Variants in GSG1L observed in about 807,000 individuals in gnomAD.
GSG1L encodes the protein GSG1 like, also known as germ cell-specific gene 1-like protein.
In GSG1L, 24 loss-of-function variants were observed where a neutral mutation model predicts 42.1. The ratio of observed to expected loss-of-function variants is 0.57; its 90% CI spans 0.41 to 0.80. The LOEUF is 0.80. GSG1L is among the 30% of genes least tolerant of loss of function. The pLI is 0.00. For synonymous variants in GSG1L, 215 were observed against 203.5 expected, an observed-to-expected ratio of 1.06 and a Z score of -0.48; for missense variants, 445 against 472.2, an observed-to-expected ratio of 0.94 and a Z score of 0.53.
intron 2 of GSG1L, among the ~76,000 whole-genome samples, chr16:27,921,446 T>A (rs2084523323): frequency 1.3e-5 from 2 of 152,236 alleles, no homozygotes; most frequent in African/African-American, 4.8e-5. Context: ...CTCCATAGCC[T>A]TATATCTGCC....
chr16:27,864,048 C>T (rs1366943301), intron 3 of GSG1L, among the ~76,000 whole-genome samples: 1 of 152,226 alleles, frequency 6.6e-6, no homozygotes, highest in Non-Finnish European at 1.5e-5. Context: ...TGGCCTCATT[C>T]TCTGGCAGAT....
chr16:28,063,155 C>A lies in GSG1L; in HGVS notation c.270G>T (p.Glu90Asp), dbSNP rs1322789526. The A allele has an allele frequency of 1.4e-5, 20 of 1,418,568 alleles. No homozygotes were observed. Among genetic ancestry groups the A allele is most frequent in the Non-Finnish European group, 1.7e-5 (18 of 1,079,652 alleles). The allele number at this position is 1,418,568 out of a possible 1,614,324, so 87.9% of individuals were successfully genotyped here. The change falls in exon 1 of 7, where the codon GAG (glutamate) becomes GAT (aspartate). Residue 90 changes from glutamate to aspartate, a missense_variant. This residue lies in a region of GSG1L where 149 missense variants were observed against 223.3 expected (regional missense o/e 0.67). Coordinates refer to ENST00000447459, the MANE Select transcript of GSG1L (RefSeq NM_001109763.2). This position sits in a 1 kb window ranked among gnomAD's most constrained non-coding sequence, Gnocchi z 5.8. ...TGAAGAGGAAGCGGTCGTCGCCGGT[C>A]TCCCAGCTGTAGAGCGCGCCGCCAG... The part of the protein sequence containing the change: ...GPPGGALYSW[E>D]TGDDRFLFRN...
chr16:27,865,876 AT>A, intron 3 of GSG1L, among the ~76,000 whole-genome samples: 1 of 150,984 alleles, frequency 6.6e-6, no homozygotes, highest in Non-Finnish European at 1.5e-5. Flanking sequence ...TTTTTATTTT[AT>A]TTTTTTAGAG....
intron 2 of GSG1L, among the ~76,000 whole-genome samples, chr16:27,946,544 C>A: frequency 1.9e-5 from 2 of 103,600 alleles, no homozygotes; most frequent in Admixed American, 1.1e-4. Context: ...GACTCTGTCT[C>A]AAAAAAAAGA....
intron 1 of GSG1L, among the ~76,000 whole-genome samples, chr16:28,042,781 G>A (rs914715221): frequency 2.0e-5 from 3 of 152,174 alleles, no homozygotes; most frequent in Admixed American, 1.3e-4. Context: ...AATCATTCAC[G>A]AAAGCATGTG....
intron 1 of GSG1L, among the ~76,000 whole-genome samples, chr16:28,021,831 G>A (rs1395710881): frequency 6.6e-6 from 1 of 152,038 alleles, no homozygotes; most frequent in Non-Finnish European, 1.5e-5. Context: ...ACAAAATAAT[G>A]TTGAGCAAGA....
chr16:27,811,573 T>C (rs944201655), intron 5 of GSG1L, among the ~76,000 whole-genome samples: 5 of 152,220 alleles, frequency 3.3e-5, no homozygotes, highest in African/African-American at 1.2e-4. Context: ...GCTTCCAGCA[T>C]CCTCCTGCTT....
intron 5 of GSG1L, 85 bp from the exon 6 acceptor site, chr16:27,807,639 A>G: frequency 9.1e-7 from 1 of 1,102,692 alleles, no homozygotes; most frequent in Non-Finnish European, 1.3e-6. Flanking sequence ...GAAAAAGTGC[A>G]ATCTTCCCCC....
intron 2 of GSG1L, among the ~76,000 whole-genome samples, chr16:27,886,526 G>C (rs976235219): frequency 6.6e-5 from 10 of 152,212 alleles, no homozygotes; most frequent in Admixed American, 5.9e-4. Context: ...GCAATGTAAG[G>C]AGCTTATAAA....
chr16:28,031,307 A>AGATGGAATGGGATGGGATGG (rs1171017362), intron 1 of GSG1L, among the ~76,000 whole-genome samples: 1 of 69,340 alleles, frequency 1.4e-5, no homozygotes, highest in Non-Finnish European at 2.8e-5. Flanking sequence ...GGATGGGATG[A>AGATGGAATGGGATGGGATGG]GATGGAATGG....
intron 1 of GSG1L, among the ~76,000 whole-genome samples, chr16:28,017,942 C>T (rs1382203004): frequency 6.6e-6 from 1 of 152,124 alleles, no homozygotes; most frequent in Non-Finnish European, 1.5e-5. Context: ...TGTTCTAATC[C>T]TTAGGTGGTG....
At chr16:28,046,596 C>T (rs937990823) in intron 1 of GSG1L, among the ~76,000 whole-genome samples, 10 of 152,086 alleles carry the variant, frequency 6.6e-5, no homozygotes, top group East Asian at 3.9e-4. Context: ...CCTCATGATC[C>T]GCCTGCCTTG....
Position 27,979,719 on chromosome 16 carries a change from G to GA in GSG1L, c.350-16517dup, listed in dbSNP as rs1567542929. Among the ~76,000 whole-genome samples the GA allele has an allele frequency of 2.5e-4, 13 of 52,848 alleles. 1 individual carries two copies. The highest frequency in any genetic ancestry group is 4.8e-4 in the Non-Finnish European group (12 of 25,216). The allele number at this position is 52,848 out of a possible 152,430, so 34.7% of individuals were successfully genotyped here. A position where few individuals can be genotyped will look rare whatever the true frequency, so the allele number is the denominator to read the frequency against. On this transcript the variant is annotated intron_variant, in intron 1 of 6. Coordinates refer to ENST00000447459, the MANE Select transcript of GSG1L (RefSeq NM_001109763.2). ...GGAAGGAAGGAAGGAAGGAAGGAAGGAAGGAAGGAAAGAAAAAGAAAGAAA... is the reference window on the plus strand; with the variant it reads ...GGAAGGAAGGAAGGAAGGAAGGAAGGAAAGGAAGGAAAGAAAAAGAAAGAAA...
chr16:27,795,257 C>T (rs773298942), intron 6 of GSG1L, among the ~76,000 whole-genome samples: 7 of 152,040 alleles, frequency 4.6e-5, no homozygotes, highest in Non-Finnish European at 8.8e-5. Context: ...GATGCACCTG[C>T]TCTACCTGCT....
At chr16:28,045,047 C>T (rs567357387) in intron 1 of GSG1L, among the ~76,000 whole-genome samples, 2 of 152,112 alleles carry the variant, frequency 1.3e-5, no homozygotes, top group East Asian at 3.9e-4. Flanking sequence ...CAATGGTTGC[C>T]AGGAGTTTGG....
In GSG1L at chr16:27,791,449, G is replaced by A. The variant is rs199902586; in HGVS notation, c.917C>T (p.Ala306Val). Residue 306 changes from alanine (A) to valine (V), a missense_variant, in exon 7 of 7, where the codon GCG (alanine) becomes GTG (valine). By Grantham distance (64) the Ala-to-Val change is moderately conservative. Around this residue, in one of 3 missense-constraint regions of GSG1L, gnomAD observed 140 missense variants for 120.6 expected, o/e 1.16. Coordinates refer to ENST00000447459, the MANE Select transcript of GSG1L (RefSeq NM_001109763.2). Reference sequence around the variant, plus strand: ...TGCGGAGCTCCGGGGCCAGGAATCCGCCATGTGTGGCTGGTGTCCTGCCAG... The same window carrying A: ...TGCGGAGCTCCGGGGCCAGGAATCCACCATGTGTGGCTGGTGTCCTGCCAG... ...RYPARHQPHM[A>V]DSWPRSSAQE... The A allele has an allele frequency of 2.0e-5, 30 of 1,500,996 alleles. No homozygotes were observed. Among genetic ancestry groups the A allele is most frequent in the African/African-American group, 7.0e-5 (5 of 70,938 alleles). 93.0% of individuals were successfully genotyped at this position (1,500,996 alleles called of 1,614,324 possible).
intron 1 of GSG1L, among the ~76,000 whole-genome samples, chr16:28,033,584 AAG>A (rs2085991939): frequency 6.6e-6 from 1 of 152,196 alleles, no homozygotes; most frequent in Non-Finnish European, 1.5e-5. Flanking sequence ...GGAGAAAAGA[AAG>A]AGAGAAAAAA....
intron 3 of GSG1L, among the ~76,000 whole-genome samples, chr16:27,860,297 G>A (rs1193384175): frequency 6.6e-6 from 1 of 152,178 alleles, no homozygotes; most frequent in Non-Finnish European, 1.5e-5. Flanking sequence ...CCCTGCCCTC[G>A]TCCTGAATCG....
chr16:28,039,429 G>A (rs2086079837), intron 1 of GSG1L, among the ~76,000 whole-genome samples: 1 of 152,150 alleles, frequency 6.6e-6, no homozygotes, highest in Non-Finnish European at 1.5e-5. Flanking sequence ...ACTCTACGAT[G>A]CACAGGATTG....
Sources: allele counts gnomAD v4.1 joint callset (sites outside exome capture counted in the v4.1 genomes callset), GRCh38; gene constraint gnomAD v4.1.1; regional missense constraint gnomAD v4.1.1; non-coding constraint Gnocchi (gnomAD v3.1); transcripts MANE v1.5; gene names NCBI Gene and HGNC (gene_info 2026-07-23, HGNC 2026-07-21).